Variants in NECAB2 observed in about 807,000 individuals in gnomAD.
NECAB2 encodes the protein N-terminal EF-hand calcium binding protein 2.
A neutral mutation model predicts 51.9 loss-of-function variants in NECAB2; 68 were observed. That is an observed-to-expected ratio of 1.31 (90% confidence interval 1.08 to 1.60). The LOEUF is 1.60. Among genes scored for constraint, NECAB2 ranks in the 40% most tolerant of loss-of-function variants. The pLI, the probability that NECAB2 is intolerant of heterozygous loss-of-function variation, is 0.00. For synonymous variants in NECAB2, 329 were observed against 203.5 expected, an observed-to-expected ratio of 1.62 and a Z score of -5.25; for missense variants, 854 against 490.3, an observed-to-expected ratio of 1.74 and a Z score of -7.00.
intron 5 of NECAB2, among the ~76,000 whole-genome samples, chr16:83,988,057 C>G (rs1028926373): frequency 6.6e-6 from 1 of 152,216 alleles, no homozygotes; most frequent in African/African-American, 2.4e-5. Flanking sequence ...GCTGTTCAAT[C>G]ACAGTTGGTT....
chr16:83,987,567 A>T (rs8049768), intron 5 of NECAB2, among the ~76,000 whole-genome samples: 10,837 of 152,196 alleles, frequency 0.071, 1,285 homozygotes, highest in African/African-American at 0.25. Context: ...TTAAATTTAT[A>T]ATCTGTGTTC....
At chr16:83,982,903 C>G (rs1487019481) in intron 5 of NECAB2, among the ~76,000 whole-genome samples, 1 of 151,336 alleles carries the variant, frequency 6.6e-6, no homozygotes, top group Non-Finnish European at 1.5e-5. Flanking sequence ...CAGAGTCTCA[C>G]TCTTGTCCAG....
chr16:83,986,455 A>C (rs1272806693), intron 5 of NECAB2, among the ~76,000 whole-genome samples: 1 of 152,236 alleles, frequency 6.6e-6, no homozygotes, highest in Non-Finnish European at 1.5e-5. Flanking sequence ...ATGAATGGTC[A>C]CTATCCCAGG....
rs541736421 is a variant in NECAB2 at position 83,970,716 on chromosome 16, G to A, written c.202-1435G>A. Among the ~76,000 whole-genome samples, 32 of 152,174 alleles carry A rather than the reference G, an allele frequency of 2.1e-4. No individual in the cohort carries two copies. In the South Asian group the frequency reaches 3.5e-3, roughly 17 times the overall value. ...GTGTACATGTTGCTGCCTCTCCCTG[G>A]GTCTCAGTACCCTCCTTGTTAAAAC... On this transcript the variant is annotated intron_variant, in intron 1 of 12. Transcript: ENST00000305202.
rs183725651 is a variant in NECAB2 at position 83,975,203 on chromosome 16, C to A, written c.226+3028C>A. ...ACAGGTGTGCAGGGAGGTGTTGGTG[C>A]GGGGATGGGAACAGGTGTGCAGGGA... On this transcript the variant is annotated intron_variant, in intron 2 of 12. Transcript: ENST00000305202. Among the ~76,000 whole-genome samples, 6 of 133,804 alleles carry A rather than the reference C, an allele frequency of 4.5e-5. No homozygotes were observed. The East Asian group carries it at 1.3e-3, about 29-fold the overall frequency. 87.8% of individuals were successfully genotyped at this position (133,804 alleles called of 152,430 possible).
At chr16:83,992,129 A>G (rs959858313) in intron 6 of NECAB2, among the ~76,000 whole-genome samples, 2 of 152,188 alleles carry the variant, frequency 1.3e-5, no homozygotes, top group African/African-American at 4.8e-5. Context: ...CTGGGGGGAA[A>G]TCAGAGAGGT....
intron 2 of NECAB2, among the ~76,000 whole-genome samples, chr16:83,977,740 C>T (rs939121272): frequency 1.3e-5 from 2 of 152,204 alleles, no homozygotes; most frequent in South Asian, 4.1e-4. Flanking sequence ...TAACTGAGAA[C>T]CTCATGCCGG....
intron 9 of NECAB2, among the ~76,000 whole-genome samples, 193 bp from the exon 10 acceptor site, chr16:83,998,012 C>T (rs913132477): frequency 6.6e-6 from 1 of 152,220 alleles, no homozygotes; most frequent in Admixed American, 6.5e-5. Context: ...GCTACTTCTG[C>T]ACTGGGCTCT....
chr16:83,965,188 C>A (rs9938064), upstream of NECAB2: 10 of 1,613,286 alleles, frequency 6.2e-6, no homozygotes, highest in Non-Finnish European at 8.5e-6. Context: ...AGTGGGGGAC[C>A]CCCGATCCCA....
rs754989202 is a variant in NECAB2 at position 84,000,812 on chromosome 16, G to C, written c.1040+11G>C. On this transcript the variant is annotated intron_variant, in intron 11 of 12. Transcript: ENST00000305202. ...GGAGGCGTGGAAGAGGTGAGATGCT[G>C]GGTCCCCACAGCAGGTGAGGGAGAC... The C allele has an allele frequency of 5.0e-6, 8 of 1,613,172 alleles. No homozygotes were observed. The highest frequency in any genetic ancestry group is 1.7e-5 in the Admixed American group (1 of 60,016).
upstream of NECAB2, chr16:83,965,692 C>T: frequency 1.2e-6 from 2 of 1,613,658 alleles, no homozygotes; most frequent in South Asian, 2.2e-5. Flanking sequence ...AGGAAGACTG[C>T]CAGGCCGTGT....
chr16:83,998,044 G>A (rs1401898597), intron 9 of NECAB2, among the ~76,000 whole-genome samples, 161 bp from the exon 10 acceptor site: 1 of 152,090 alleles, frequency 6.6e-6, no homozygotes, highest in East Asian at 1.9e-4. Flanking sequence ...TCCTTTCTTA[G>A]CCCATTTTTA....
intron 12 of NECAB2, 68 bp from the exon 13 acceptor site, chr16:84,002,250 G>T (rs1013388839): frequency 1.3e-6 from 2 of 1,570,000 alleles, no homozygotes; most frequent in Admixed American, 1.7e-5. Flanking sequence ...CATTCAAGAC[G>T]ACCACCACCA....
chr16:83,972,602 C>T lies in NECAB2; in HGVS notation c.226+427C>T, dbSNP rs967028316. On this transcript the variant is annotated intron_variant, in intron 2 of 12. Coordinates refer to ENST00000305202, the MANE Select transcript of NECAB2 (RefSeq NM_019065.3). Reference sequence around the variant, plus strand: ...CAGTTCTTCATCGTAGCAACCTGAGCAGTCAGTGCTCTTGCCTCTGTTGAC... The same window carrying T: ...CAGTTCTTCATCGTAGCAACCTGAGTAGTCAGTGCTCTTGCCTCTGTTGAC... Among the ~76,000 whole-genome samples the T allele has an allele frequency of 2.6e-5, 4 of 152,232 alleles. 1 individual carries two copies. Among genetic ancestry groups the T allele is most frequent in the Admixed American group, 1.3e-4 (2 of 15,276 alleles).
chr16:83,977,119 G>A (rs779898067), intron 2 of NECAB2, among the ~76,000 whole-genome samples: 7 of 152,198 alleles, frequency 4.6e-5, no homozygotes, highest in Admixed American at 4.6e-4. Context: ...TCCATAGGAA[G>A]GTGCCATGTG....
chr16:84,002,472 T>G lies in NECAB2; in HGVS notation c.*126T>G, dbSNP rs1188330944. ...TCAATCCATCCTCCACAAGAAGGTG[T>G]TTCCCTGTTGTTAAGTGAAGGAGGC... is the stretch of plus-strand genomic sequence containing the variant. On this transcript the variant is annotated 3_prime_UTR_variant, in exon 13 of 13. Transcript: ENST00000305202. 3 of 1,328,190 alleles carry G rather than the reference T, an allele frequency of 2.3e-6. No individual in the cohort carries two copies. In the African/African-American group the frequency reaches 4.4e-5, roughly 19 times the overall value. The allele number at this position is 1,328,190 out of a possible 1,614,324, so 82.3% of individuals were successfully genotyped here. A position where few individuals can be genotyped will look rare whatever the true frequency, so the allele number is the denominator to read the frequency against.
intron 3 of NECAB2, among the ~76,000 whole-genome samples, chr16:83,980,257 C>G (rs1461439180): frequency 6.6e-6 from 1 of 152,226 alleles, no homozygotes; most frequent in African/African-American, 2.4e-5. Context: ...ACCATAGTTC[C>G]CAGCACTGCA....
intron 3 of NECAB2, among the ~76,000 whole-genome samples, chr16:83,979,710 A>C (rs1296899831): frequency 8.5e-6 from 1 of 117,460 alleles, no homozygotes; most frequent in Non-Finnish European, 1.7e-5. Context: ...AGGGAGGAGG[A>C]GGCACTGGTT....
chr16:83,994,572 C>T (rs755355700), intron 7 of NECAB2, 37 bp from the exon 8 acceptor site: 1 of 1,613,014 alleles, frequency 6.2e-7, no homozygotes, highest in Non-Finnish European at 8.5e-7. Context: ...TCGTCCTGCC[C>T]ACCACTGAAG....
Sources: gnomAD v4.1 joint callset for allele counts (sites outside exome capture counted in the v4.1 genomes callset) on GRCh38, gnomAD v4.1.1 for gene constraint, MANE v1.5 for transcripts, NCBI Gene and HGNC (gene_info 2026-07-23, HGNC 2026-07-21) for gene names.